C9orf153: variants seen among roughly 807,000 people sequenced by gnomAD.
C9orf153 encodes uncharacterized protein C9orf153.
A neutral mutation model predicts 9.0 loss-of-function variants in C9orf153; 10 were observed. The ratio of observed to expected loss-of-function variants is 1.11; its 90% CI spans 0.69 to 1.89. The LOEUF (loss-of-function observed/expected upper bound fraction) is 1.89. Among genes scored for constraint, C9orf153 ranks in the 40% most tolerant of loss-of-function variants. The pLI is 0.00. For missense variants in C9orf153, 108 were observed against 111.0 expected, an observed-to-expected ratio of 0.97 and a Z score of 0.12; for synonymous variants, 35 against 37.3, an observed-to-expected ratio of 0.94 and a Z score of 0.23.
At chr9:86,225,413 CCTTCCTTCCT>C (rs1178279382) in intron 3 of C9orf153, among the ~76,000 whole-genome samples, 4 of 836 alleles carry the variant, frequency 4.8e-3, no homozygotes, top group African/African-American at 0.033. Flanking sequence ...CTCTCTCTCT[CCTTCCTTCCT>C]TCCTTCCTTC....
At position 86,220,824 on chromosome 9, in the gene C9orf153, T is replaced by C. The variant is rs534999350; in HGVS notation, c.*864A>G. 1 of 152,314 alleles carries C rather than the reference T, an allele frequency of 6.6e-6. No individual in the cohort carries two copies. The highest frequency in any genetic ancestry group is 2.1e-4 in the South Asian group (1 of 4,830). The allele number at this position is 152,314 out of a possible 1,614,324, so 9.4% of individuals were successfully genotyped here. A position where few individuals can be genotyped will look rare whatever the true frequency, so the allele number is the denominator to read the frequency against. Reference sequence around the variant, plus strand: ...TTTTCTGCTAATTCCATCGTATACATTTCTGAACTTCTCATTCTACCGTCC... The same window carrying C: ...TTTTCTGCTAATTCCATCGTATACACTTCTGAACTTCTCATTCTACCGTCC... On this transcript the variant is annotated 3_prime_UTR_variant, in exon 4 of 4. Coordinates refer to ENST00000339137, the MANE Select transcript of C9orf153 (RefSeq NM_001276366.4).
At chr9:86,233,029 G>A (rs12347280) in intron 1 of C9orf153, among the ~76,000 whole-genome samples, 4,703 of 152,056 alleles carry the variant, frequency 0.031, 245 homozygotes, top group African/African-American at 0.1. Flanking sequence ...CATTGCGCCC[G>A]GCCCCTCCTC....
At chr9:86,235,741 CAAAAAAA>C (rs60165641) in intron 1 of C9orf153, among the ~76,000 whole-genome samples, 3 of 22,056 alleles carry the variant, frequency 1.4e-4, no homozygotes, top group African/African-American at 2.7e-4. Context: ...GACTCCATCT[CAAAAAAA>C]AAAAAAAAAA....
intron 1 of C9orf153, among the ~76,000 whole-genome samples, chr9:86,233,712 C>T (rs541093998): frequency 5.3e-5 from 8 of 152,122 alleles, no homozygotes; most frequent in Non-Finnish European, 1.0e-4. Context: ...CCACTGTGCT[C>T]GTCCAATTTA....
intron 1 of C9orf153, among the ~76,000 whole-genome samples, chr9:86,239,768 A>C (rs953606961): frequency 6.6e-6 from 1 of 152,276 alleles, no homozygotes; most frequent in Non-Finnish European, 1.5e-5. Context: ...GTTTTATCTT[A>C]GGTAAATTAT....
chr9:86,255,129 A>T (rs1825089774), intron 1 of C9orf153, among the ~76,000 whole-genome samples: 1 of 152,142 alleles, frequency 6.6e-6, no homozygotes, highest in Admixed American at 6.6e-5. Context: ...AATATATTTA[A>T]ATTTGCTCTT....
intron 1 of C9orf153, chr9:86,258,365 A>C (rs945222182): frequency 6.6e-6 from 1 of 152,014 alleles, no homozygotes; most frequent in African/African-American, 2.4e-5. Flanking sequence ...AAAAAAGGAA[A>C]AATTAATTTT....
intron 2 of C9orf153, among the ~76,000 whole-genome samples, chr9:86,229,336 A>G (rs534374168): frequency 3.9e-5 from 6 of 152,142 alleles, no homozygotes; most frequent in African/African-American, 1.4e-4. Context: ...CACTATCACG[A>G]AAACAGCTCA....
At chr9:86,239,664 T>C (rs1824688983) in intron 1 of C9orf153, among the ~76,000 whole-genome samples, 1 of 152,220 alleles carries the variant, frequency 6.6e-6, no homozygotes, top group South Asian at 2.1e-4. Flanking sequence ...CATGCTTCTT[T>C]TGGGGCTGAC....
chr9:86,221,667 C>T lies in C9orf153; in HGVS notation c.*21G>A, dbSNP rs944312947. ...GTCTCCGAATGAAATTGCAGTAGTG[C>T]GCCTCCACTTCGCAAGCCCCTTAAA... On this transcript the variant is annotated 3_prime_UTR_variant, in exon 4 of 4. Coordinates refer to ENST00000339137, the MANE Select transcript of C9orf153 (RefSeq NM_001276366.4). The T allele has an allele frequency of 2.3e-5, 35 of 1,547,306 alleles. No individual in the cohort carries two copies. Among genetic ancestry groups the T allele is most frequent in the South Asian group, 8.4e-5 (7 of 83,606 alleles).
At chr9:86,250,029 G>T (rs150269414) in intron 1 of C9orf153, among the ~76,000 whole-genome samples, 1 of 152,152 alleles carries the variant, frequency 6.6e-6, no homozygotes, top group East Asian at 1.9e-4. Context: ...TGATGGAGCC[G>T]TGTGGATTAT....
At chr9:86,241,124 C>T (rs1366460910) in intron 1 of C9orf153, among the ~76,000 whole-genome samples, 3 of 152,188 alleles carry the variant, frequency 2.0e-5, no homozygotes, top group Admixed American at 1.3e-4. Flanking sequence ...ACAGCCCCCT[C>T]TTTGCTTTTC....
intron 1 of C9orf153, among the ~76,000 whole-genome samples, chr9:86,239,482 A>G (rs1824682566): frequency 6.6e-6 from 1 of 152,342 alleles, no homozygotes; most frequent in East Asian, 1.9e-4. Context: ...ATTACACATC[A>G]TAGGAGATTG....
intron 1 of C9orf153, among the ~76,000 whole-genome samples, chr9:86,252,434 C>T (rs1036748643): frequency 6.6e-5 from 10 of 152,196 alleles, no homozygotes; most frequent in Admixed American, 6.5e-4. Context: ...TTTGGCTAGA[C>T]AAATGACTTA....
intron 1 of C9orf153, among the ~76,000 whole-genome samples, chr9:86,254,511 C>A (rs1033189178): frequency 1.6e-4 from 25 of 152,172 alleles, no homozygotes; most frequent in Non-Finnish European, 2.5e-4. Flanking sequence ...TTTGCTTGAA[C>A]ACCTGATTTG....
At chr9:86,232,438 A>G (rs1824492524) in intron 1 of C9orf153, among the ~76,000 whole-genome samples, 1 of 152,214 alleles carries the variant, frequency 6.6e-6, no homozygotes, top group Non-Finnish European at 1.5e-5. Flanking sequence ...AAATATGGCC[A>G]ATGGCCTGTT....
chr9:86,237,279 G>C (rs1003129638), intron 1 of C9orf153, among the ~76,000 whole-genome samples: 6 of 151,946 alleles, frequency 3.9e-5, no homozygotes, highest in African/African-American at 1.5e-4. Flanking sequence ...ACAGAAACAA[G>C]GAACAAGGGC....
At chr9:86,235,049 A>C (rs1322701060) in intron 1 of C9orf153, among the ~76,000 whole-genome samples, 1 of 152,198 alleles carries the variant, frequency 6.6e-6, no homozygotes, top group Admixed American at 6.5e-5. Context: ...CTGAAGTAGG[A>C]AGCTCCTCGA....
intron 3 of C9orf153, among the ~76,000 whole-genome samples, chr9:86,221,948 C>T (rs1322280096): frequency 1.3e-5 from 2 of 152,016 alleles, no homozygotes; most frequent in African/African-American, 2.4e-5. Flanking sequence ...TGCAATGGTG[C>T]GATATCGGCT....
Sources: allele counts gnomAD v4.1 joint callset (sites outside exome capture counted in the v4.1 genomes callset), GRCh38; gene constraint gnomAD v4.1.1; transcripts MANE v1.5; gene names NCBI Gene and HGNC (gene_info 2026-07-23, HGNC 2026-07-21).